NKAIN3: variants seen among roughly 807,000 people sequenced by gnomAD.
NKAIN3 encodes the protein sodium/potassium-transporting ATPase subunit beta-1-interacting protein 3.
NKAIN3 carries 25 observed loss-of-function variants against 30.2 expected under a neutral mutation model. The ratio of observed to expected loss-of-function variants is 0.83; its 90% confidence interval spans 0.60 to 1.16. NKAIN3 has a LOEUF of 1.16. Ranked by LOEUF, NKAIN3 falls within the 50% of genes most tolerant of loss-of-function variation. NKAIN3 has a pLI of 0.00. For synonymous variants in NKAIN3, 91 were observed against 89.6 expected, an observed-to-expected ratio of 1.02 and a Z score of -0.09; for missense variants, 225 against 254.1, an observed-to-expected ratio of 0.89 and a Z score of 0.78.
At chr8:62,886,548 A>G (rs1821153685) in intron 4 of NKAIN3, among the ~76,000 whole-genome samples, 1 of 152,042 alleles carries the variant, frequency 6.6e-6, no homozygotes, top group Non-Finnish European at 1.5e-5. Flanking sequence ...AAATTATCTC[A>G]ATTTTTTATT....
chr8:62,283,974 A>G (rs1444175984), intron 1 of NKAIN3, among the ~76,000 whole-genome samples: 2 of 152,214 alleles, frequency 1.3e-5, no homozygotes, highest in Non-Finnish European at 2.9e-5. Context: ...AAATTATTAA[A>G]GTGACGTGTA....
chr8:62,398,111 G>C (rs1376011956), intron 1 of NKAIN3, among the ~76,000 whole-genome samples: 1 of 152,114 alleles, frequency 6.6e-6, no homozygotes, highest in African/African-American at 2.4e-5. Context: ...CTGAGGAGAT[G>C]AACGAGGAGA....
At chr8:62,891,963 G>T (rs1042417069) in intron 4 of NKAIN3, among the ~76,000 whole-genome samples, 1 of 152,102 alleles carries the variant, frequency 6.6e-6, no homozygotes, top group Non-Finnish European at 1.5e-5. Flanking sequence ...GAGAATCCAT[G>T]ACCAGTGGAA....
At chr8:62,868,766 G>C (rs1475342177) in intron 4 of NKAIN3, among the ~76,000 whole-genome samples, 2 of 152,184 alleles carry the variant, frequency 1.3e-5, no homozygotes, top group Non-Finnish European at 1.5e-5. Flanking sequence ...ACACTGGCAT[G>C]AGTGTTGACT....
intron 1 of NKAIN3, among the ~76,000 whole-genome samples, chr8:62,412,541 T>G (rs1382064936): frequency 6.6e-6 from 1 of 152,134 alleles, no homozygotes; most frequent in Non-Finnish European, 1.5e-5. Context: ...TCCCAAACTA[T>G]GTATCCAACA....
At chr8:62,347,258 T>A (rs1476878119) in intron 1 of NKAIN3, among the ~76,000 whole-genome samples, 1 of 152,164 alleles carries the variant, frequency 6.6e-6, no homozygotes, top group Non-Finnish European at 1.5e-5. Context: ...GAATTTATTC[T>A]ATCCAAAGAG....
At chr8:62,569,520 A>G (rs1389037342) in intron 1 of NKAIN3, among the ~76,000 whole-genome samples, 1 of 152,118 alleles carries the variant, frequency 6.6e-6, no homozygotes, top group African/African-American at 2.4e-5. Context: ...TCATGCCTGT[A>G]ATCCCAGCAC....
chr8:62,490,335 C>T (rs6983153), intron 1 of NKAIN3, among the ~76,000 whole-genome samples: 93,071 of 152,044 alleles, frequency 0.61, 30,527 homozygotes, highest in South Asian at 0.79. Flanking sequence ...GCCTGCCTTA[C>T]GAAGTTCAGA....
At chr8:62,458,735 T>G (rs1207115311) in intron 1 of NKAIN3, among the ~76,000 whole-genome samples, 2 of 152,202 alleles carry the variant, frequency 1.3e-5, no homozygotes, top group Non-Finnish European at 2.9e-5. Flanking sequence ...TTAATGAATG[T>G]CTGTGATGTA....
intron 1 of NKAIN3, among the ~76,000 whole-genome samples, chr8:62,326,920 G>A (rs559621952): frequency 6.6e-5 from 10 of 152,028 alleles, no homozygotes; most frequent in East Asian, 5.8e-4. Flanking sequence ...CGTTGCCGCC[G>A]ACAGGGAATA....
chr8:62,595,425 G>A (rs1443104805), intron 3 of NKAIN3, among the ~76,000 whole-genome samples: 6 of 45,862 alleles, frequency 1.3e-4, no homozygotes, highest in African/African-American at 2.4e-4. Flanking sequence ...TTAATAGAGT[G>A]AAATAGAGTG....
chr8:62,470,853 G>A (rs550423444), intron 1 of NKAIN3, among the ~76,000 whole-genome samples: 53 of 151,876 alleles, frequency 3.5e-4, no homozygotes, highest in African/African-American at 1.3e-3. Flanking sequence ...AACAACTTAG[G>A]TTCTATAAAT....
chr8:62,285,660 C>T (rs1160542646), intron 1 of NKAIN3, among the ~76,000 whole-genome samples: 2 of 152,118 alleles, frequency 1.3e-5, no homozygotes, highest in African/African-American at 4.8e-5. Flanking sequence ...CATCTGATGT[C>T]ACCACGTGAA....
At chr8:62,556,220 A>G (rs1331469782) in intron 1 of NKAIN3, among the ~76,000 whole-genome samples, 8 of 151,954 alleles carry the variant, frequency 5.3e-5, no homozygotes, top group Non-Finnish European at 1.0e-4. Flanking sequence ...TTGGGGAATT[A>G]TGGTGTTCTA....
intron 1 of NKAIN3, among the ~76,000 whole-genome samples, chr8:62,361,881 C>T (rs1005740423): frequency 6.6e-6 from 1 of 152,158 alleles, no homozygotes; most frequent in Non-Finnish European, 1.5e-5. Context: ...CCCTATAATG[C>T]TCAATGCATT....
At chr8:62,721,852 T>G (rs1446271428) in intron 3 of NKAIN3, among the ~76,000 whole-genome samples, 2 of 152,202 alleles carry the variant, frequency 1.3e-5, no homozygotes, top group Non-Finnish European at 2.9e-5. Context: ...CTGTTGTCAC[T>G]TCAGACACCT....
intron 1 of NKAIN3, among the ~76,000 whole-genome samples, chr8:62,394,454 T>C (rs1055206838): frequency 4.0e-5 from 6 of 151,060 alleles, no homozygotes; most frequent in African/African-American, 1.5e-4. Context: ...TGAGTTATTG[T>C]ATTTTTTTCT....
intron 1 of NKAIN3, among the ~76,000 whole-genome samples, chr8:62,321,207 C>T (rs148677685): frequency 0.046 from 6,961 of 152,260 alleles, 220 homozygotes; most frequent in Admixed American, 0.084. Flanking sequence ...GACTTCTCTG[C>T]ATTGGTTATT....
chr8:62,626,903 T>G (rs1310696959), intron 3 of NKAIN3, among the ~76,000 whole-genome samples: 1 of 152,144 alleles, frequency 6.6e-6, no homozygotes, highest in Non-Finnish European at 1.5e-5. Flanking sequence ...CTGTTCAACA[T>G]GTCAGTGAAA....
Sources: gnomAD v4.1 joint callset for allele counts (sites outside exome capture counted in the v4.1 genomes callset) on GRCh38, gnomAD v4.1.1 for gene constraint, MANE v1.5 for transcripts, NCBI Gene and HGNC (gene_info 2026-07-23, HGNC 2026-07-21) for gene names.